The following SNCB variants were observed in gnomAD, a reference collection of about 807,000 sequenced individuals.
SNCB encodes the protein beta-synuclein.
A neutral mutation model predicts 20.0 loss-of-function variants in SNCB; 8 were observed. The observed-to-expected ratio is 0.40, with a 90% CI of 0.24 to 0.72. The LOEUF is 0.72. SNCB is among the 30% of genes least tolerant of loss of function. The pLI is 0.37. For missense variants in SNCB, 125 were observed against 168.0 expected (o/e 0.74, Z 1.41); for synonymous variants, 56 against 65.4 (o/e 0.86, Z 0.69).
chr5:176,626,630 T>C lies in SNCB; in HGVS notation c.163+90A>G, dbSNP rs1581173001. On this transcript the variant is annotated intron_variant, in intron 3 of 5. Transcript: ENST00000393693. The surrounding 1 kb of genome is among the most constrained non-coding windows in gnomAD (Gnocchi z 4.2). ...CCCACGGAGCATTCCCGCAGAAGCC[T>C]TGGGAGTCTCCCCCGCCCCCGCCCT... The C allele has an allele frequency of 6.5e-7, 1 of 1,543,928 alleles. No homozygotes were observed. Among genetic ancestry groups the C allele is most frequent in the Non-Finnish European group, 9.0e-7 (1 of 1,116,430 alleles).
rs1759962617 is a variant in SNCB, at chr5:176,626,598, T to C, written c.164-82A>G. ...CCCTGCCTTGTAGTATCCCAGGGCC[T>C]GCCCTCCCCACGGAGCATTCCCGCA... On this transcript the variant is annotated intron_variant, in intron 3 of 5. Transcript: ENST00000393693. This position sits in a 1 kb window ranked among gnomAD's most constrained non-coding sequence, Gnocchi z 4.2. 2.7e-6 allele frequency: 4 copies of C among 1,506,192 alleles called. No individual in the cohort carries two copies. Among genetic ancestry groups the C allele is most frequent in the Admixed American group, 1.7e-5 (1 of 59,830 alleles). The allele number at this position is 1,506,192 out of a possible 1,614,324, so 93.3% of individuals were successfully genotyped here.
intron 2 of SNCB, among the ~76,000 whole-genome samples, chr5:176,628,224 G>C (rs574690365): frequency 2.0e-5 from 3 of 152,140 alleles, no homozygotes; most frequent in Non-Finnish European, 4.4e-5. Flanking sequence ...GCATGGCTTG[G>C]AGGGGCCAAG....
At chr5:176,624,592 G>C (rs1462075446) in intron 4 of SNCB, among the ~76,000 whole-genome samples, 1 of 152,172 alleles carries the variant, frequency 6.6e-6, no homozygotes, top group Non-Finnish European at 1.5e-5. Context: ...CCTGAGGTCA[G>C]GAGTTCGAGA....
Position 176,620,971 on chromosome 5 carries a change from G to T in SNCB, c.373-128C>A. On this transcript the variant is annotated intron_variant, in intron 5 of 5. Coordinates refer to ENST00000393693, the MANE Select transcript of SNCB (RefSeq NM_003085.5). This position sits in a 1 kb window ranked among gnomAD's most constrained non-coding sequence, Gnocchi z 4.5. Reference sequence around the variant, plus strand: ...GAATAGCACATTCCCCTTTTCCTGGGCAGGGGAGGAGCCTGGAAGTTGGGG... The same window carrying T: ...GAATAGCACATTCCCCTTTTCCTGGTCAGGGGAGGAGCCTGGAAGTTGGGG... 1 of 890,992 alleles carries T rather than the reference G, an allele frequency of 1.1e-6. No individual in the cohort carries two copies. The highest frequency in any genetic ancestry group is 1.9e-6 in the Non-Finnish European group (1 of 539,118). 55.2% of individuals were successfully genotyped at this position (890,992 alleles called of 1,614,324 possible).
At position 176,629,675 on chromosome 5, in the gene SNCB, G is replaced by C; in HGVS notation, c.-9-12C>G. 1.2e-6 allele frequency: 2 copies of C among 1,611,590 alleles called. No individual in the cohort carries two copies. Among genetic ancestry groups the C allele is most frequent in the South Asian group, 1.1e-5 (1 of 90,876 alleles). On this transcript the variant is annotated splice_polypyrimidine_tract_variant and intron_variant, in intron 1 of 5. Coordinates refer to ENST00000393693, the MANE Select transcript of SNCB (RefSeq NM_003085.5). This position sits in a 1 kb window ranked among gnomAD's most constrained non-coding sequence, Gnocchi z 4.1. ...TCCATCCTGGCGGCCTGGGGAGGGC[G>C]ATACACGGGCACCGGTGCACTGGCC... is the stretch of plus-strand genomic sequence containing the variant.
chr5:176,621,333 G>T lies in SNCB; in HGVS notation c.283-30C>A. 1.3e-6 allele frequency: 2 copies of T among 1,579,770 alleles called. No homozygotes were observed. Among genetic ancestry groups the T allele is most frequent in the Non-Finnish European group, 1.7e-6 (2 of 1,155,056 alleles). On this transcript the variant is annotated intron_variant, in intron 4 of 5. Coordinates refer to ENST00000393693, the MANE Select transcript of SNCB (RefSeq NM_003085.5). The surrounding 1 kb of genome is among the most constrained non-coding windows in gnomAD (Gnocchi z 4.1). ...GGGCAGAAAAGGTCAGGACTCGTGA[G>T]GACAGCCAGGATGCCCCCCAAATTC...
chr5:176,626,856 C>A lies in SNCB; in HGVS notation c.122-95G>T. On this transcript the variant is annotated intron_variant, in intron 2 of 5. Transcript: ENST00000393693. The surrounding 1 kb of genome is among the most constrained non-coding windows in gnomAD (Gnocchi z 4.2). ...TGATTACAGAGTGGGCATCCTGGCC[C>A]CGTCACTGCCTCCTTGGGTCCCCAC... The A allele has an allele frequency of 7.7e-7, 1 of 1,306,976 alleles. No homozygotes were observed. Among genetic ancestry groups the A allele is most frequent in the South Asian group, 1.2e-5 (1 of 84,986 alleles). 81.0% of individuals were successfully genotyped at this position (1,306,976 alleles called of 1,614,324 possible).
chr5:176,625,901 C>T (rs936577901), intron 4 of SNCB, among the ~76,000 whole-genome samples: 1 of 152,170 alleles, frequency 6.6e-6, no homozygotes, highest in African/African-American at 2.4e-5. Flanking sequence ...CTGTCTGTCC[C>T]ATCGCCCTCT....
chr5:176,626,295 T>G lies in SNCB; in HGVS notation c.282+103A>C. ...CTTGTGTTCCAAGCTGGTGGCAGGA[T>G]TAGGGGGGCGGGGATGGTGACAGGT... On this transcript the variant is annotated intron_variant, in intron 4 of 5. Transcript: ENST00000393693. This position sits in a 1 kb window ranked among gnomAD's most constrained non-coding sequence, Gnocchi z 4.2. 9 of 879,380 alleles carry G rather than the reference T, an allele frequency of 1.0e-5. No individual in the cohort carries two copies. Among genetic ancestry groups the G allele is most frequent in the Non-Finnish European group, 1.7e-5 (9 of 523,702 alleles). The allele number at this position is 879,380 out of a possible 1,614,324, so 54.5% of individuals were successfully genotyped here.
At chr5:176,625,044 T>G (rs1333466540) in intron 4 of SNCB, among the ~76,000 whole-genome samples, 1 of 152,160 alleles carries the variant, frequency 6.6e-6, no homozygotes, top group Non-Finnish European at 1.5e-5. Context: ...CCCATCCCCA[T>G]GGAGGCAGGG....
chr5:176,625,357 A>G (rs1440305497), intron 4 of SNCB, among the ~76,000 whole-genome samples: 1 of 152,212 alleles, frequency 6.6e-6, no homozygotes, highest in African/African-American at 2.4e-5. Context: ...AGAAATTCTA[A>G]CGATGGGGCC....
In SNCB at chr5:176,620,603, C is replaced by T. The variant is rs530439025; in HGVS notation, c.*208G>A. On this transcript the variant is annotated 3_prime_UTR_variant, in exon 6 of 6. Coordinates refer to ENST00000393693, the MANE Select transcript of SNCB (RefSeq NM_003085.5). This position sits in a 1 kb window ranked among gnomAD's most constrained non-coding sequence, Gnocchi z 4.5. ...GCGAGGCTCCCAGCCGCGACCGCAA[C>T]CCTGGCCCTGTCCATGCCCCGGGGT... The T allele has an allele frequency of 6.7e-5, 41 of 610,150 alleles. No homozygotes were observed. The African/African-American group carries it at 6.8e-4, about 10-fold the overall frequency. The allele number at this position is 610,150 out of a possible 1,614,324, so 37.8% of individuals were successfully genotyped here.
At chr5:176,622,354 G>T (rs1327896669) in intron 4 of SNCB, among the ~76,000 whole-genome samples, 1 of 152,216 alleles carries the variant, frequency 6.6e-6, no homozygotes, top group African/African-American at 2.4e-5. Flanking sequence ...GCTGGGCACT[G>T]TGGTGCGTGC....
intron 2 of SNCB, among the ~76,000 whole-genome samples, chr5:176,627,339 AT>A (rs1760025932): frequency 6.6e-6 from 1 of 152,112 alleles, no homozygotes; most frequent in African/African-American, 2.4e-5. Flanking sequence ...GCCCCACTCC[AT>A]TTCCTCTAAA....
chr5:176,622,554 C>T (rs1158659352), intron 4 of SNCB, among the ~76,000 whole-genome samples: 1 of 150,774 alleles, frequency 6.6e-6, no homozygotes, highest in African/African-American at 2.5e-5. Flanking sequence ...TTGGAAACAA[C>T]CCAAATGTCC....
Position 176,626,692 on chromosome 5 carries a change from A to C in SNCB, c.163+28T>G. On this transcript the variant is annotated intron_variant, in intron 3 of 5. Transcript: ENST00000393693. This position sits in a 1 kb window ranked among gnomAD's most constrained non-coding sequence, Gnocchi z 4.2. ...CCAGATCATCCGCCTAAGTGAGAGA[A>C]GGGCTGGTGCCAGGGCTGGGCTAGT... 1 of 1,613,166 alleles carries C rather than the reference A, an allele frequency of 6.2e-7. No homozygotes were observed. Among genetic ancestry groups the C allele is most frequent in the Non-Finnish European group, 8.5e-7 (1 of 1,179,202 alleles).
chr5:176,626,513 G>A lies in SNCB; in HGVS notation c.167C>T (p.Ala56Val). 1 of 1,612,320 alleles carries A rather than the reference G, an allele frequency of 6.2e-7. No homozygotes were observed. Among genetic ancestry groups the A allele is most frequent in the Non-Finnish European group, 8.5e-7 (1 of 1,178,384 alleles). The change falls in exon 4 of 6, where the codon GCT becomes GTT. Residue 56 changes from alanine (A) to valine (V), a missense_variant. Transcript: ENST00000393693. This position sits in a 1 kb window ranked among gnomAD's most constrained non-coding sequence, Gnocchi z 4.2. ...EGVVQGVASV[A>V]EKTKEQASHL... The stretch of plus-strand genomic sequence containing the variant: ...TGAGGCCTGTTCCTTGGTTTTTTCA[G>A]CCACTGGAGCAGGGAGGGGGTTGAG...
In SNCB at chr5:176,629,342, G is replaced by C. The variant is rs527712675; in HGVS notation, c.121+192C>G. On this transcript the variant is annotated intron_variant, in intron 2 of 5. Coordinates refer to ENST00000393693, the MANE Select transcript of SNCB (RefSeq NM_003085.5). This position sits in a 1 kb window ranked among gnomAD's most constrained non-coding sequence, Gnocchi z 4.1. The stretch of plus-strand genomic sequence containing the variant: ...GCCCCCCACCTCATCAGCCCGCCCC[G>C]TGTCCCCATTTCCGGATACAGACCC... 8.2e-6 allele frequency: 5 copies of C among 608,150 alleles called. No homozygotes were observed. Among genetic ancestry groups the C allele is most frequent in the East Asian group, 2.9e-5 (1 of 34,498 alleles). 37.7% of individuals were successfully genotyped at this position (608,150 alleles called of 1,614,324 possible).
At position 176,629,342 on chromosome 5, in the gene SNCB, G is replaced by A. The variant is rs527712675; in HGVS notation, c.121+192C>T. On this transcript the variant is annotated intron_variant, in intron 2 of 5. Transcript: ENST00000393693. This position sits in a 1 kb window ranked among gnomAD's most constrained non-coding sequence, Gnocchi z 4.1. Reference sequence around the variant, plus strand: ...GCCCCCCACCTCATCAGCCCGCCCCGTGTCCCCATTTCCGGATACAGACCC... The same window carrying A: ...GCCCCCCACCTCATCAGCCCGCCCCATGTCCCCATTTCCGGATACAGACCC... 3.1e-5 allele frequency: 19 copies of A among 608,030 alleles called. No individual in the cohort carries two copies. Among genetic ancestry groups the A allele is most frequent in the South Asian group, 6.2e-5 (3 of 48,004 alleles). 37.7% of individuals were successfully genotyped at this position (608,030 alleles called of 1,614,324 possible). A position where few individuals can be genotyped will look rare whatever the true frequency, so the allele number is the denominator to read the frequency against.
Sources: gnomAD v4.1 joint callset for allele counts (sites outside exome capture counted in the v4.1 genomes callset) on GRCh38, gnomAD v4.1.1 for gene constraint, Gnocchi (gnomAD v3.1) non-coding constraint, MANE v1.5 for transcripts, NCBI Gene and HGNC (gene_info 2026-07-23, HGNC 2026-07-21) for gene names.